SYT9: variants seen among roughly 807,000 people sequenced by gnomAD.
SYT9 encodes synaptotagmin-9.
Under a neutral mutation model 48.4 loss-of-function variants are expected in SYT9, and 22 were observed. The ratio of observed to expected loss-of-function variants is 0.45; its 90% confidence interval spans 0.32 to 0.65. The LOEUF is 0.65. Ranked by LOEUF, SYT9 falls within the 30% of genes least tolerant of loss-of-function variation. SYT9 has a pLI of 0.03. For missense variants in SYT9, 577 were observed against 622.0 expected (o/e 0.93, Z 0.77); for synonymous variants, 265 against 245.0 (o/e 1.08, Z -0.76).
upstream of SYT9, among the ~76,000 whole-genome samples, chr11:7,247,522 C>T (rs1227060233): frequency 6.8e-6 from 1 of 146,390 alleles, no homozygotes; most frequent in African/African-American, 2.5e-5. Context: ...CATATATACA[C>T]ACATATATAC....
At chr11:7,429,456 T>C (rs1415289302) in intron 6 of SYT9, among the ~76,000 whole-genome samples, 1 of 152,196 alleles carries the variant, frequency 6.6e-6, no homozygotes. Flanking sequence ...AGAAACCAGA[T>C]TCTCAGTCAT....
At chr11:7,324,724 A>G (rs903031805) in intron 3 of SYT9, among the ~76,000 whole-genome samples, 1 of 151,924 alleles carries the variant, frequency 6.6e-6, no homozygotes, top group Non-Finnish European at 1.5e-5. Context: ...CTGTAACTTA[A>G]TTAAAAATGT....
chr11:7,412,328 C>A (rs759051588), intron 3 of SYT9, among the ~76,000 whole-genome samples: 7 of 152,076 alleles, frequency 4.6e-5, no homozygotes, highest in Non-Finnish European at 8.8e-5. Context: ...TTTAAATTTG[C>A]TTTTGTAGAG....
chr11:7,308,295 G>A (rs1849068769), intron 2 of SYT9, among the ~76,000 whole-genome samples: 1 of 152,176 alleles, frequency 6.6e-6, no homozygotes, highest in Non-Finnish European at 1.5e-5. Flanking sequence ...AGACACTGGT[G>A]CCCGAGAACC....
intron 3 of SYT9, among the ~76,000 whole-genome samples, chr11:7,347,424 G>T (rs895177806): frequency 6.6e-6 from 1 of 151,900 alleles, no homozygotes; most frequent in Non-Finnish European, 1.5e-5. Context: ...TAGTGGAGAC[G>T]GGGTTCTACC....
rs527730644 is a variant in SYT9, at chr11:7,421,018, A to C, written c.1467+383A>C. On this transcript the variant is annotated intron_variant, in intron 6 of 6. Transcript: ENST00000318881. ...GGAAAAAACATAAGGCCTTGATTCT[A>C]AGACCAGCTCTGGCACCAACCTGTG... Among the ~76,000 whole-genome samples, 5 of 152,332 alleles carry C rather than the reference A, an allele frequency of 3.3e-5. No homozygotes were observed. The South Asian group carries it at 1.0e-3, about 32-fold the overall frequency.
At position 7,251,955 on chromosome 11, in the gene SYT9, GGACCGGGCGGGAGAGAGAGAAAGCCT is replaced by G. The variant is rs1847874735; in HGVS notation, c.-226_-201del. 2.3e-6 allele frequency: 1 copy of G among 429,232 alleles called. No homozygotes were observed. Among genetic ancestry groups the G allele is most frequent in the Admixed American group, 4.5e-5 (1 of 22,112 alleles). 26.6% of individuals were successfully genotyped at this position (429,232 alleles called of 1,614,324 possible). On this transcript the variant is annotated 5_prime_UTR_variant, in exon 1 of 7. Transcript: ENST00000318881. Reference sequence around the variant, plus strand: ...CCTCGGTGTCTGGGGAGGGACGGAGGGACCGGGCGGGAGAGAGAGAAAGCCTGACCGACCGGCTGGCGAAGAGCTGC... The same window carrying G: ...CCTCGGTGTCTGGGGAGGGACGGAGGGACCGACCGGCTGGCGAAGAGCTGC...
chr11:7,458,030 G>A (rs1044778172), intron 6 of SYT9: 1 of 152,182 alleles, frequency 6.6e-6, no homozygotes, highest in Non-Finnish European at 1.5e-5. Flanking sequence ...GAGTTTCAAG[G>A]ATGTATTTAT....
chr11:7,411,976 CTAA>C (rs1847143733), intron 3 of SYT9, among the ~76,000 whole-genome samples: 1 of 152,026 alleles, frequency 6.6e-6, no homozygotes, highest in Admixed American at 6.5e-5. Flanking sequence ...TCTGCTTAAT[CTAA>C]TCTATTGTTG....
chr11:7,298,779 C>T (rs535895738), intron 1 of SYT9, among the ~76,000 whole-genome samples: 156 of 152,170 alleles, frequency 1.0e-3, no homozygotes, highest in African/African-American at 3.5e-3. Flanking sequence ...TACAATGCAT[C>T]ACGTCTTATG....
At chr11:7,464,949 G>T (rs193275558) in intron 6 of SYT9, among the ~76,000 whole-genome samples, 2 of 151,978 alleles carry the variant, frequency 1.3e-5, no homozygotes, top group South Asian at 2.1e-4. Flanking sequence ...TTAGCCGGGC[G>T]TGGTGGCGGG....
chr11:7,316,049 T>C (rs749608569), intron 3 of SYT9, among the ~76,000 whole-genome samples: 3 of 129,766 alleles, frequency 2.3e-5, no homozygotes, highest in Non-Finnish European at 4.9e-5. Context: ...TTTTAAAAAA[T>C]GTTATTTGGG....
chr11:7,462,825 C>T (rs1383901008), intron 6 of SYT9, among the ~76,000 whole-genome samples: 1 of 152,096 alleles, frequency 6.6e-6, no homozygotes, highest in Non-Finnish European at 1.5e-5. Flanking sequence ...GTAATAAAGT[C>T]CCATTTTCAG....
chr11:7,310,124 GT>G (rs1251293235), intron 2 of SYT9, among the ~76,000 whole-genome samples: 4 of 152,082 alleles, frequency 2.6e-5, no homozygotes, highest in African/African-American at 9.7e-5. Context: ...TTGTTTGCTT[GT>G]TTGGTTTTTG....
rs755882926 is a variant in SYT9, at chr11:7,468,302, A to G, written c.*1502A>G. 2.6e-4 allele frequency: 102 copies of G among 398,528 alleles called. No homozygotes were observed. Among genetic ancestry groups the G allele is most frequent in the Non-Finnish European group, 4.1e-4 (92 of 226,076 alleles). The allele number at this position is 398,528 out of a possible 1,614,324, so 24.7% of individuals were successfully genotyped here. A position where few individuals can be genotyped will look rare whatever the true frequency, so the allele number is the denominator to read the frequency against. On this transcript the variant is annotated 3_prime_UTR_variant, in exon 7 of 7. Transcript: ENST00000318881. ...GTTCTCATTGCCCCAGCTGCCTAGT[A>G]CTATACAAGAAGCTCTACTTTGATG...
At chr11:7,412,729 G>T (rs1484018434) in intron 3 of SYT9, among the ~76,000 whole-genome samples, 3 of 152,200 alleles carry the variant, frequency 2.0e-5, no homozygotes, top group African/African-American at 4.8e-5. Flanking sequence ...TTGGTCAGCA[G>T]ACTTGATGTG....
At chr11:7,304,654 A>G (rs1849001105) in intron 2 of SYT9, among the ~76,000 whole-genome samples, 1 of 152,202 alleles carries the variant, frequency 6.6e-6, no homozygotes, top group South Asian at 2.1e-4. Flanking sequence ...TCAATTCTGA[A>G]TCAAAGAGCC....
At position 7,303,400 on chromosome 11, in the gene SYT9, G is replaced by A. The variant is rs988616737; in HGVS notation, c.497+10G>A. On this transcript the variant is annotated intron_variant, in intron 2 of 6. Transcript: ENST00000318881. ...CAACCTCGTCGGCCCGGTCAGTAAT[G>A]CCTTCTCCTTTCTGAATGCAAGGAA... 1.3e-6 allele frequency: 2 copies of A among 1,591,428 alleles called. No individual in the cohort carries two copies. The highest frequency in any genetic ancestry group is 1.7e-6 in the Non-Finnish European group (2 of 1,169,808).
At chr11:7,293,955 T>C (rs2133923119) in intron 1 of SYT9, among the ~76,000 whole-genome samples, 1 of 152,320 alleles carries the variant, frequency 6.6e-6, no homozygotes, top group Middle Eastern at 3.4e-3. Flanking sequence ...TCATCTATGG[T>C]GTCTAAGTCT....
Sources: gnomAD v4.1 joint callset for allele counts (sites outside exome capture counted in the v4.1 genomes callset) on GRCh38, gnomAD v4.1.1 for gene constraint, MANE v1.5 for transcripts, NCBI Gene and HGNC (gene_info 2026-07-23, HGNC 2026-07-21) for gene names.